SFI1: variants seen among roughly 807,000 people sequenced by gnomAD.
SFI1 encodes the protein SFI1 centrin binding protein.
In SFI1, 195 loss-of-function variants were observed where a neutral mutation model predicts 207.5. The observed-to-expected ratio is 0.94, with a 90% CI of 0.84 to 1.06. SFI1 has a LOEUF of 1.06. Ranked by LOEUF, SFI1 falls within the 50% of genes least tolerant of loss-of-function variation. The pLI is 0.00. For missense variants in SFI1, 1,634 were observed against 1,588.0 expected (o/e 1.03, Z -0.49); for synonymous variants, 630 against 598.9 (o/e 1.05, Z -0.76).
At chr22:31,551,779 G>GCCAT (rs2060647478) in intron 6 of SFI1, among the ~76,000 whole-genome samples, 1 of 152,262 alleles carries the variant, frequency 6.6e-6, no homozygotes, top group South Asian at 2.1e-4. Context: ...TCATGGCTGT[G>GCCAT]CCATTTTGCA....
At chr22:31,505,068 A>G (rs2054407132) in intron 1 of SFI1, among the ~76,000 whole-genome samples, 1 of 151,788 alleles carries the variant, frequency 6.6e-6, no homozygotes, top group African/African-American at 2.4e-5. Context: ...AGTAATAATA[A>G]TAATAATTTA....
At position 31,615,231 on chromosome 22, in the gene SFI1, G is replaced by A; in HGVS notation, c.3252G>A (p.Leu1084=). The part of the protein sequence containing the change: ...PTASTGPELL[L]LPLSSFMPCG... ...CAAGCACAGGCCCGGAGCTGCTGCTGCTGCCTCTTTCCTCCTTCATGCCCT... is the reference window on the plus strand; with the variant it reads ...CAAGCACAGGCCCGGAGCTGCTGCTACTGCCTCTTTCCTCCTTCATGCCCT... The change falls in exon 29 of 33, where the codon CTG becomes CTA. Residue 1084 remains leucine, a synonymous_variant. Transcript: ENST00000400288. 6.5e-7 allele frequency: 1 copy of A among 1,540,104 alleles called. No individual in the cohort carries two copies. The highest frequency in any genetic ancestry group is 8.7e-7 in the Non-Finnish European group (1 of 1,151,030).
chr22:31,532,971 A>G (rs2058664463), intron 4 of SFI1, among the ~76,000 whole-genome samples: 1 of 152,178 alleles, frequency 6.6e-6, no homozygotes, highest in Non-Finnish European at 1.5e-5. Context: ...TTCATTGCAC[A>G]CAAGTGTAGT....
chr22:31,570,898 G>C (rs1402756357), intron 8 of SFI1, among the ~76,000 whole-genome samples: 1 of 152,174 alleles, frequency 6.6e-6, no homozygotes, highest in Non-Finnish European at 1.5e-5. Context: ...AAGGAGGAAG[G>C]CTTTGTCAGA....
At chr22:31,500,089 G>T (rs535496130) in intron 1 of SFI1, among the ~76,000 whole-genome samples, 1 of 150,700 alleles carries the variant, frequency 6.6e-6, no homozygotes, top group African/African-American at 2.4e-5. Context: ...GGTGGCTGAG[G>T]TGGGCGATCA....
At chr22:31,582,237 T>TATA (rs1168966383) in intron 12 of SFI1, among the ~76,000 whole-genome samples, 11 of 19,902 alleles carry the variant, frequency 5.5e-4, no homozygotes, top group Non-Finnish European at 8.2e-4. Flanking sequence ...TATATATATA[T>TATA]TTTTTTTTTT....
At chr22:31,616,450 G>A (rs2071463964) in intron 29 of SFI1, 1 of 353,710 alleles carries the variant, frequency 2.8e-6, no homozygotes, top group South Asian at 7.1e-5. Context: ...TGGAGGGTTG[G>A]GTAAGGCAAG....
At chr22:31,582,220 A>G (rs1219737161) in intron 12 of SFI1, among the ~76,000 whole-genome samples, 1 of 32,532 alleles carries the variant, frequency 3.1e-5, no homozygotes, top group Non-Finnish European at 5.9e-5. Context: ...ATATATATAT[A>G]TATATATATA....
intron 2 of SFI1, among the ~76,000 whole-genome samples, chr22:31,514,685 A>G (rs530230541): frequency 1.3e-5 from 2 of 151,770 alleles, no homozygotes; most frequent in Non-Finnish European, 2.9e-5. Flanking sequence ...AGAACAGGTC[A>G]TATTTGTCTT....
At chr22:31,524,648 G>A (rs1338259605) in intron 2 of SFI1, among the ~76,000 whole-genome samples, 2 of 150,996 alleles carry the variant, frequency 1.3e-5, no homozygotes, top group African/African-American at 4.9e-5. Context: ...TTCCTGGACC[G>A]AAGCCATCTG....
At chr22:31,595,205 C>T (rs2066921015) in intron 15 of SFI1, among the ~76,000 whole-genome samples, 1 of 151,836 alleles carries the variant, frequency 6.6e-6, no homozygotes, top group Non-Finnish European at 1.5e-5. Flanking sequence ...ACCATGTTGG[C>T]CAGGCTGGTC....
intron 10 of SFI1, among the ~76,000 whole-genome samples, chr22:31,576,888 G>A (rs2063580476): frequency 6.6e-6 from 1 of 151,826 alleles, no homozygotes; most frequent in Non-Finnish European, 1.5e-5. Flanking sequence ...CAGGTGATCT[G>A]CCCGCCTCGG....
At chr22:31,572,063 CGTT>C (rs2063007740) in intron 8 of SFI1, among the ~76,000 whole-genome samples, 1 of 152,016 alleles carries the variant, frequency 6.6e-6, no homozygotes, top group Non-Finnish European at 1.5e-5. Flanking sequence ...AGGGGACTGA[CGTT>C]GGTGGGAGCA....
chr22:31,601,547 C>T (rs995761752), intron 15 of SFI1, among the ~76,000 whole-genome samples: 10 of 152,170 alleles, frequency 6.6e-5, no homozygotes, highest in African/African-American at 1.9e-4. Flanking sequence ...GTCCCCAAAG[C>T]GTTGGTCAGC....
At chr22:31,570,977 C>T (rs1010589794) in intron 8 of SFI1, among the ~76,000 whole-genome samples, 4 of 152,184 alleles carry the variant, frequency 2.6e-5, no homozygotes, top group East Asian at 1.9e-4. Context: ...TGGAGATTGC[C>T]GATGCACTTG....
chr22:31,575,094 GT>G, intron 9 of SFI1, 136 bp from the exon 10 acceptor site: 7 of 265,802 alleles, frequency 2.6e-5, no homozygotes, highest in Non-Finnish European at 3.5e-5. Flanking sequence ...GCGTGTGTGT[GT>G]GTGTGTGTGT....
chr22:31,570,756 A>T (rs149585822), intron 8 of SFI1, among the ~76,000 whole-genome samples: 8 of 152,194 alleles, frequency 5.3e-5, no homozygotes, highest in Non-Finnish European at 1.2e-4. Flanking sequence ...AAAAGCTACT[A>T]GGGTGGGTGA....
At chr22:31,538,111 A>G (rs1441556843) in intron 4 of SFI1, among the ~76,000 whole-genome samples, 2 of 152,134 alleles carry the variant, frequency 1.3e-5, no homozygotes, top group East Asian at 3.8e-4. Flanking sequence ...AGCTGGGACC[A>G]CAGGCATGCG....
At chr22:31,508,086 A>T (rs2054916948) in intron 1 of SFI1, among the ~76,000 whole-genome samples, 169 bp from the exon 2 acceptor site, 1 of 150,798 alleles carries the variant, frequency 6.6e-6, no homozygotes, top group Non-Finnish European at 1.5e-5. Context: ...AAAAAAATTA[A>T]AAAAAAAAGT....
Sources: gnomAD v4.1 joint callset for allele counts (sites outside exome capture counted in the v4.1 genomes callset) on GRCh38, gnomAD v4.1.1 for gene constraint, MANE v1.5 for transcripts, NCBI Gene and HGNC (gene_info 2026-07-23, HGNC 2026-07-21) for gene names.